NOSTRIN: variants seen among roughly 807,000 people sequenced by gnomAD.
NOSTRIN encodes the protein nitric oxide synthase trafficking.
A neutral mutation model predicts 59.0 loss-of-function variants in NOSTRIN; 63 were observed. The ratio of observed to expected loss-of-function variants is 1.07; its 90% CI spans 0.87 to 1.32. The LOEUF is 1.32. Ranked by LOEUF, NOSTRIN falls within the 40% of genes most tolerant of loss-of-function variation. The pLI is 0.00. For synonymous variants in NOSTRIN, 200 were observed against 165.4 expected (o/e 1.21, Z -1.61); for missense variants, 512 against 473.1 (o/e 1.08, Z -0.76).
At chr2:168,790,280 G>T (rs917972196) in intron 2 of NOSTRIN, among the ~76,000 whole-genome samples, 1 of 152,168 alleles carries the variant, frequency 6.6e-6, no homozygotes, top group Admixed American at 6.5e-5. Flanking sequence ...GAGTTCATAT[G>T]ATAAAATTAA....
chr2:168,814,753 A>C (rs973703997), intron 2 of NOSTRIN, among the ~76,000 whole-genome samples: 6 of 152,326 alleles, frequency 3.9e-5, no homozygotes, highest in Admixed American at 3.9e-4. Context: ...GCATTCAGTA[A>C]ATACTTGCAG....
intron 7 of NOSTRIN, among the ~76,000 whole-genome samples, chr2:168,837,279 T>A (rs557915876): frequency 3.5e-4 from 53 of 150,904 alleles, no homozygotes; most frequent in African/African-American, 1.1e-3. Flanking sequence ...CTTTTTTTTT[T>A]ATAATACACT....
At chr2:168,829,127 G>T (rs1183826424) in intron 5 of NOSTRIN, among the ~76,000 whole-genome samples, 1 of 152,112 alleles carries the variant, frequency 6.6e-6, no homozygotes, top group Non-Finnish European at 1.5e-5. Context: ...AGGTAATAAT[G>T]AGTACAATCC....
chr2:168,860,670 A>G, intron 13 of NOSTRIN, 125 bp from the exon 14 acceptor site: 1 of 223,536 alleles, frequency 4.5e-6, no homozygotes, highest in South Asian at 5.6e-5. Context: ...GACTCTGTCT[A>G]AAAAAAAAAA....
intron 3 of NOSTRIN, 72 bp downstream of exon 3, chr2:168,824,789 T>TTTGTTTGA: frequency 1.3e-6 from 1 of 788,856 alleles, no homozygotes; most frequent in Non-Finnish European, 2.2e-6. Context: ...TGTTTGTTTG[T>TTTGTTTGA]TTTTTGAGAC....
intron 15 of NOSTRIN, among the ~76,000 whole-genome samples, chr2:168,862,930 C>T (rs1389715265): frequency 2.0e-5 from 3 of 152,208 alleles, no homozygotes; most frequent in Non-Finnish European, 4.4e-5. Context: ...AGCCAAACGA[C>T]AGGGACACCA....
At chr2:168,834,510 C>T (rs1687591223) in intron 7 of NOSTRIN, among the ~76,000 whole-genome samples, 185 bp downstream of exon 7, 1 of 98,942 alleles carries the variant, frequency 1.0e-5, no homozygotes, top group Admixed American at 1.1e-4. Flanking sequence ...CGCGCGCGCA[C>T]ACACACACAC....
intron 6 of NOSTRIN, among the ~76,000 whole-genome samples, chr2:168,831,924 G>T (rs1380596047): frequency 1.3e-5 from 2 of 152,154 alleles, no homozygotes; most frequent in East Asian, 3.8e-4. Flanking sequence ...TTGGGTTCCA[G>T]GGTCACTGCT....
At position 168,856,701 on chromosome 2, in the gene NOSTRIN, A is replaced by G; in HGVS notation, c.976A>G (p.Met326Val). ...GATTTCATTTTCAGGCCTGGAACGAATGCTTAAAACGTACTCCAGCACCTC... is the reference window on the plus strand; with the variant it reads ...GATTTCATTTTCAGGCCTGGAACGAGTGCTTAAAACGTACTCCAGCACCTC... ...ASKDKEGLER[M>V]LKTYSSTSSF... is the part of the protein sequence containing the mutation. The change falls in exon 12 of 16, where the codon ATG becomes GTG. Residue 326 changes from methionine (M) to valine (V), a missense_variant. Met to Val is a conservative substitution (Grantham distance 21). Coordinates refer to ENST00000317647, the MANE Select transcript of NOSTRIN (RefSeq NM_001039724.4). The G allele has an allele frequency of 6.2e-7, 1 of 1,614,108 alleles. No homozygotes were observed. The highest frequency in any genetic ancestry group is 8.5e-7 in the Non-Finnish European group (1 of 1,179,982).
At chr2:168,808,657 C>T (rs537494050) in intron 1 of NOSTRIN, among the ~76,000 whole-genome samples, 31 of 152,124 alleles carry the variant, frequency 2.0e-4, no homozygotes, top group African/African-American at 7.0e-4. Context: ...AATAAGAAAG[C>T]CACAGGACCT....
At chr2:168,822,663 G>A (rs1371586874) in intron 2 of NOSTRIN, among the ~76,000 whole-genome samples, 1 of 152,192 alleles carries the variant, frequency 6.6e-6, no homozygotes, top group Non-Finnish European at 1.5e-5. Flanking sequence ...AGTCAAAAGT[G>A]ATATGAAGAT....
At position 168,864,822 on chromosome 2, in the gene NOSTRIN, G is replaced by GTAT. The variant is rs1438438827; in HGVS notation, c.1385-10_1385-8dup. The GTAT allele has an allele frequency of 4.3e-6, 7 of 1,613,392 alleles. No individual in the cohort carries two copies. In the East Asian group the frequency reaches 1.6e-4, roughly 36 times the overall value. On this transcript the variant is annotated splice_polypyrimidine_tract_variant and intron_variant, in intron 15 of 15. Coordinates refer to ENST00000317647, the MANE Select transcript of NOSTRIN (RefSeq NM_001039724.4). ...ATCACAGAGACCCATTTGTCTAACT[G>GTAT]TATTTTCACAGGTGACATTGTGATT...
In NOSTRIN at chr2:168,837,720, G is replaced by A. The variant is rs529574158; in HGVS notation, c.504+3395G>A. ...CTTTCCCCATCTTTCCACTAAGAGT[G>A]TTCTTGCCATCGAAAACAATGTCTT... is the stretch of plus-strand genomic sequence containing the variant. On this transcript the variant is annotated intron_variant, in intron 7 of 15. Transcript: ENST00000317647. Among the ~76,000 whole-genome samples the A allele has an allele frequency of 6.6e-5, 10 of 152,196 alleles. No individual in the cohort carries two copies. The East Asian group carries it at 1.4e-3, about 21-fold the overall frequency.
intron 1 of NOSTRIN, chr2:168,786,838 C>T (rs1490741780): frequency 2.0e-5 from 3 of 152,164 alleles, no homozygotes; most frequent in Non-Finnish European, 2.9e-5. Context: ...TCTTCCCTGC[C>T]TCCCCCCTCC....
upstream of NOSTRIN, among the ~76,000 whole-genome samples, chr2:168,801,972 G>A (rs910211826): frequency 6.6e-6 from 1 of 152,140 alleles, no homozygotes; most frequent in Non-Finnish European, 1.5e-5. Context: ...CCTGATAGCT[G>A]TTTCTGAACA....
At chr2:168,831,448 G>GTTTC in intron 5 of NOSTRIN, 24 bp from the exon 6 acceptor site, 1 of 858,604 alleles carries the variant, frequency 1.2e-6, no homozygotes, top group Non-Finnish European at 2.0e-6. Flanking sequence ...GCAAAGCTTT[G>GTTTC]TTTCCTTTTT....
upstream of NOSTRIN, among the ~76,000 whole-genome samples, chr2:168,796,401 A>G (rs544388445): frequency 2.6e-4 from 40 of 152,342 alleles, no homozygotes; most frequent in African/African-American, 9.6e-4. Context: ...GGACCCCAGC[A>G]GCTTGGCTAA....
In NOSTRIN at chr2:168,862,047, A is replaced by T. The variant is rs1183789389; in HGVS notation, c.1382A>T (p.Lys461Met). The T allele has an allele frequency of 6.2e-7, 1 of 1,613,476 alleles. No homozygotes were observed. The highest frequency in any genetic ancestry group is 1.1e-5 in the South Asian group (1 of 91,064). The change falls in exon 15 of 16, where the codon AAG becomes ATG. Residue 461 changes from lysine (K) to methionine (M), a missense_variant and splice_region_variant. By Grantham distance (95) the Lys-to-Met change is moderately conservative. Transcript: ENST00000317647. ...ARQDDELNLE[K>M]GDIVIIHEKK... ...CAAGATGATGAGTTGAATTTGGAAAAGGGTAAGAATCATTCTCAAATATTT... is the reference window on the plus strand; with the variant it reads ...CAAGATGATGAGTTGAATTTGGAAATGGGTAAGAATCATTCTCAAATATTT...
intron 1 of NOSTRIN, chr2:168,786,715 G>A (rs7584277): frequency 0.099 from 15,080 of 152,016 alleles, 939 homozygotes; most frequent in African/African-American, 0.18. Flanking sequence ...GGCCCTCCTC[G>A]AAGTGTACTT....
Sources: gnomAD v4.1 joint callset for allele counts (sites outside exome capture counted in the v4.1 genomes callset) on GRCh38, gnomAD v4.1.1 for gene constraint, MANE v1.5 for transcripts, NCBI Gene and HGNC (gene_info 2026-07-23, HGNC 2026-07-21) for gene names.